The following BBS9 variants were observed in gnomAD, a reference collection of about 807,000 sequenced individuals.
The protein encoded by BBS9 is Bardet-Biedl syndrome 9.
In BBS9, 89 loss-of-function variants were observed where a neutral mutation model predicts 117.7. The observed-to-expected ratio is 0.76, with a 90% confidence interval of 0.64 to 0.90. The LOEUF is 0.90. Among genes scored for constraint, BBS9 ranks in the 40% least tolerant of loss-of-function variants. The probability of loss-of-function intolerance (pLI) is 0.00; values close to 1 mark genes in which losing one functional copy is unlikely to be tolerated. For synonymous variants in BBS9, 379 were observed against 370.9 expected (o/e 1.02, Z -0.25); for missense variants, 982 against 1,042.2 (o/e 0.94, Z 0.80).
intron 21 of BBS9, among the ~76,000 whole-genome samples, chr7:33,613,622 G>A (rs1286846888): frequency 1.3e-5 from 2 of 151,882 alleles, no homozygotes; most frequent in East Asian, 1.9e-4. Context: ...AACCTCATTC[G>A]CTTAAGTGGA....
chr7:33,245,529 T>C (rs1329302801), intron 5 of BBS9, among the ~76,000 whole-genome samples: 1 of 152,176 alleles, frequency 6.6e-6, no homozygotes, highest in East Asian at 1.9e-4. Context: ...TATTCATTCA[T>C]TCAGTAAATA....
chr7:33,392,058 T>G (rs1009164918), intron 19 of BBS9, among the ~76,000 whole-genome samples: 1 of 152,240 alleles, frequency 6.6e-6, no homozygotes, highest in Non-Finnish European at 1.5e-5. Flanking sequence ...TGGAATTTAT[T>G]GTGCAATTTA....
chr7:33,216,055 T>C (rs369136730), intron 5 of BBS9, among the ~76,000 whole-genome samples: 2 of 152,220 alleles, frequency 1.3e-5, no homozygotes, highest in Non-Finnish European at 2.9e-5. Flanking sequence ...AGTTTCCTTA[T>C]GCTTGGCCAT....
At chr7:33,331,885 A>C (rs896412652) in intron 9 of BBS9, among the ~76,000 whole-genome samples, 6 of 152,220 alleles carry the variant, frequency 3.9e-5, no homozygotes, top group African/African-American at 1.4e-4. Flanking sequence ...GCCCAAAGCA[A>C]TCTATAGATT....
intron 20 of BBS9, among the ~76,000 whole-genome samples, chr7:33,521,790 C>T (rs1227763669): frequency 6.6e-6 from 1 of 150,950 alleles, no homozygotes; most frequent in Non-Finnish European, 1.5e-5. Flanking sequence ...TACATGTGCA[C>T]CTTGTGCAGG....
intron 20 of BBS9, among the ~76,000 whole-genome samples, chr7:33,509,113 ATT>A (rs1432025411): frequency 6.6e-6 from 1 of 152,228 alleles, no homozygotes. Flanking sequence ...GAGACAAAAC[ATT>A]TGATAAAAAC....
At chr7:33,328,855 G>T (rs780980884) in intron 9 of BBS9, among the ~76,000 whole-genome samples, 27 of 151,742 alleles carry the variant, frequency 1.8e-4, no homozygotes, top group Non-Finnish European at 3.8e-4. Flanking sequence ...TTATAGATTG[G>T]CTTTGTTGGA....
intron 19 of BBS9, among the ~76,000 whole-genome samples, chr7:33,489,151 C>G (rs1017513341): frequency 6.6e-6 from 1 of 151,746 alleles, no homozygotes; most frequent in Non-Finnish European, 1.5e-5. Flanking sequence ...CACCACCACG[C>G]CTGGCTAACT....
chr7:33,558,352 G>A (rs1476349512), intron 21 of BBS9, among the ~76,000 whole-genome samples: 5 of 152,150 alleles, frequency 3.3e-5, no homozygotes, highest in Non-Finnish European at 7.4e-5. Flanking sequence ...CTGAGGTGGG[G>A]GCACGTGAGG....
intron 5 of BBS9, among the ~76,000 whole-genome samples, chr7:33,247,502 C>T (rs1226359679): frequency 3.9e-5 from 6 of 152,062 alleles, no homozygotes; most frequent in African/African-American, 1.4e-4. Flanking sequence ...ATCCATGTCT[C>T]GATGCATGGT....
chr7:33,302,057 T>C (rs1396046698), intron 9 of BBS9, among the ~76,000 whole-genome samples: 1 of 152,208 alleles, frequency 6.6e-6, no homozygotes, highest in African/African-American at 2.4e-5. Flanking sequence ...CATATGCTTG[T>C]TTGCCATTTG....
chr7:33,534,050 C>T lies in BBS9; in HGVS notation c.2395C>T (p.Leu799=), dbSNP rs1850992724. The change falls in exon 21 of 23, where the codon CTG becomes TTG. Residue 799 remains leucine, a synonymous_variant. Coordinates refer to ENST00000242067, the MANE Select transcript of BBS9 (RefSeq NM_198428.3). ...KEQALNLNSQ[L]NIPKDTSQLK... is the part of the protein sequence containing the mutation. ...GCAGGCTTTGAACCTCAACAGCCAG[C>T]TGAACATACCCAAAGACACAAGCCA... is the stretch of plus-strand genomic sequence containing the variant. The T allele has an allele frequency of 6.2e-7, 1 of 1,614,224 alleles. No homozygotes were observed. Among genetic ancestry groups the T allele is most frequent in the East Asian group, 2.2e-5 (1 of 44,878 alleles).
intron 19 of BBS9, among the ~76,000 whole-genome samples, chr7:33,418,525 T>C (rs1199570292): frequency 1.3e-5 from 2 of 152,162 alleles, no homozygotes; most frequent in African/African-American, 2.4e-5. Context: ...CCATTTTCGC[T>C]CAATTAGTTG....
chr7:33,304,942 C>G (rs1023773613), intron 9 of BBS9, among the ~76,000 whole-genome samples: 4 of 151,942 alleles, frequency 2.6e-5, no homozygotes, highest in Non-Finnish European at 5.9e-5. Flanking sequence ...GCAGCATGCT[C>G]GTTAAGAGTC....
rs566991467 is a variant in BBS9 at position 33,357,339 on chromosome 7, A to G, written c.1553-516A>G. ...ATGGACTTCAATAGAACTTCAGAAG[A>G]GCAAATCTTGCTTTCATGTTCATAA... On this transcript the variant is annotated intron_variant, in intron 15 of 22. Transcript: ENST00000242067. Among the ~76,000 whole-genome samples, 23 of 151,932 alleles carry G rather than the reference A, an allele frequency of 1.5e-4. 1 individual carries two copies. In the South Asian group the frequency reaches 4.6e-3, roughly 30 times the overall value.
chr7:33,377,587 T>G (rs1181152773), intron 17 of BBS9, among the ~76,000 whole-genome samples: 1 of 152,192 alleles, frequency 6.6e-6, no homozygotes, highest in Non-Finnish European at 1.5e-5. Context: ...TGGAATAGTA[T>G]AGAATCTGTA....
chr7:33,574,120 C>T (rs116623274), intron 21 of BBS9, among the ~76,000 whole-genome samples: 58 of 152,296 alleles, frequency 3.8e-4, no homozygotes, highest in African/African-American at 1.4e-3. Flanking sequence ...GATCTCCAAA[C>T]ACATGCTTGT....
intron 21 of BBS9, among the ~76,000 whole-genome samples, chr7:33,585,718 G>T (rs1040848887): frequency 6.6e-6 from 1 of 151,870 alleles, no homozygotes; most frequent in Admixed American, 6.6e-5. Flanking sequence ...AATTGCATCC[G>T]GTTCATCACC....
intron 9 of BBS9, 26 bp from the exon 10 acceptor site, chr7:33,336,415 G>T (rs1326271744): frequency 6.3e-7 from 1 of 1,590,600 alleles, no homozygotes; most frequent in Non-Finnish European, 8.6e-7. Context: ...TTAAAATTAT[G>T]TCTCATTTTC....
Sources: gnomAD v4.1 joint callset for allele counts (sites outside exome capture counted in the v4.1 genomes callset) on GRCh38, gnomAD v4.1.1 for gene constraint, MANE v1.5 for transcripts, NCBI Gene and HGNC (gene_info 2026-07-23, HGNC 2026-07-21) for gene names.